The following PCDHGB4 variants were observed in gnomAD, a reference collection of about 807,000 sequenced individuals.
PCDHGB4 encodes protocadherin gamma-B4.
Under a neutral mutation model 60.5 loss-of-function variants are expected in PCDHGB4, and 38 were observed. The observed-to-expected ratio is 0.63, with a 90% CI of 0.48 to 0.82. PCDHGB4 has a LOEUF of 0.82. Among genes scored for constraint, PCDHGB4 ranks in the 40% least tolerant of loss-of-function variants. The pLI, the probability that PCDHGB4 is intolerant of heterozygous loss-of-function variation, is 0.00. For missense variants in PCDHGB4, 1,109 were observed against 1,209.6 expected, an observed-to-expected ratio of 0.92 and a Z score of 1.23; for synonymous variants, 456 against 509.7, an observed-to-expected ratio of 0.89 and a Z score of 1.42.
chr5:141,389,909 C>A lies in PCDHGB4; in HGVS notation c.2025C>A (p.Asp675Glu). The change falls in exon 1 of 4, where the codon GAC becomes GAA. Residue 675 changes from aspartate (D) to glutamate (E), a missense_variant. Coordinates refer to ENST00000519479, the MANE Select transcript of PCDHGB4 (RefSeq NM_003736.4). ...AGGAGGTGCTGCCGGATATCACTGA[C>A]CGCCCCGACCCCTCTGACCTCCAGG... Reference protein sequence around the residue: ...SLQEVLPDITDRPDPSDLQAE... With the variant: ...SLQEVLPDITERPDPSDLQAE... 6.2e-7 allele frequency: 1 copy of A among 1,614,068 alleles called. No individual in the cohort carries two copies. Among genetic ancestry groups the A allele is most frequent in the Non-Finnish European group, 8.5e-7 (1 of 1,179,906 alleles).
At chr5:141,426,665 T>A in intron 1 of PCDHGB4, 1 of 429,940 alleles carries the variant, frequency 2.3e-6, no homozygotes, top group South Asian at 1.6e-5. Context: ...ATATAAATGA[T>A]AACCCACCTC....
chr5:141,448,803 G>A (rs2098607666), intron 1 of PCDHGB4, among the ~76,000 whole-genome samples: 2 of 152,020 alleles, frequency 1.3e-5, no homozygotes, highest in South Asian at 4.1e-4. Flanking sequence ...AAATTAGCCA[G>A]GCGTGATGGC....
intron 1 of PCDHGB4, chr5:141,395,250 C>A: frequency 6.4e-7 from 1 of 1,558,318 alleles, no homozygotes. Context: ...GAGTTTAGTT[C>A]TTTGCTTGCT....
Position 141,397,017 on chromosome 5 carries a change from G to T in PCDHGB4, c.2397+6736G>T, listed in dbSNP as rs149652099. On this transcript the variant is annotated intron_variant, in intron 1 of 3. Transcript: ENST00000519479. ...TAATCTGACAAATGGACTAAAGAAG[G>T]TTGACCAATGTCCACAAATTTATGT... Among the ~76,000 whole-genome samples, 399 of 152,296 alleles carry T rather than the reference G, an allele frequency of 2.6e-3. 1 individual carries two copies. Among genetic ancestry groups the T allele is most frequent in the Non-Finnish European group, 4.1e-3 (279 of 68,028 alleles).
chr5:141,418,914 T>C (rs1200050684), intron 1 of PCDHGB4: 4 of 1,613,964 alleles, frequency 2.5e-6, no homozygotes, highest in East Asian at 2.2e-5. Context: ...ATCACGTCAC[T>C]CTCTGATCAG....
At chr5:141,448,850 C>A (rs1227646790) in intron 1 of PCDHGB4, among the ~76,000 whole-genome samples, 1 of 152,048 alleles carries the variant, frequency 6.6e-6, no homozygotes, top group Non-Finnish European at 1.5e-5. Context: ...GAGGCTGAGG[C>A]AGGAGAATGG....
intron 1 of PCDHGB4, among the ~76,000 whole-genome samples, chr5:141,481,259 C>T (rs1176419744): frequency 1.3e-5 from 2 of 152,146 alleles, no homozygotes; most frequent in African/African-American, 4.8e-5. Context: ...TCTAAAAGAT[C>T]ACTGTAGGAA....
intron 1 of PCDHGB4, chr5:141,414,991 G>T (rs1162432290): frequency 1.9e-6 from 3 of 1,613,766 alleles, no homozygotes; most frequent in Non-Finnish European, 1.7e-6. Flanking sequence ...CGGCCAGAAC[G>T]CCTGGCTGTC....
Position 141,486,814 on chromosome 5 carries a change from C to T in PCDHGB4, c.2398-7993C>T, listed in dbSNP as rs1048351154. On this transcript the variant is annotated intron_variant, in intron 1 of 3. Transcript: ENST00000519479. The surrounding 1 kb of genome is among the most constrained non-coding windows in gnomAD (Gnocchi z 5.0). ...ATCGGGGCAACCCACCCCTTAGCAG[C>T]ACTGTAACAGTTCGTCTATTTGTGC... 1.2e-6 allele frequency: 2 copies of T among 1,614,122 alleles called. No individual in the cohort carries two copies. Among genetic ancestry groups the T allele is most frequent in the Non-Finnish European group, 1.7e-6 (2 of 1,180,052 alleles).
intron 1 of PCDHGB4, among the ~76,000 whole-genome samples, chr5:141,449,868 T>C (rs902371897): frequency 1.3e-5 from 2 of 151,910 alleles, no homozygotes; most frequent in African/African-American, 4.8e-5. Flanking sequence ...AATCAGAAAA[T>C]TTAACATCAA....
In PCDHGB4 at chr5:141,490,000, A is replaced by G. The variant is rs762999106; in HGVS notation, c.2398-4807A>G. The G allele has an allele frequency of 6.2e-7, 1 of 1,614,198 alleles. No individual in the cohort carries two copies. Among genetic ancestry groups the G allele is most frequent in the Admixed American group, 1.7e-5 (1 of 60,032 alleles). ...AGTTCTACGTGTGGGAATCCCAGAG[A>G]ATGCACCCATTGGTACTCTGCTGCT... On this transcript the variant is annotated intron_variant, in intron 1 of 3. Coordinates refer to ENST00000519479, the MANE Select transcript of PCDHGB4 (RefSeq NM_003736.4). The surrounding 1 kb of genome is among the most constrained non-coding windows in gnomAD (Gnocchi z 4.5).
chr5:141,458,104 A>G (rs969775517), intron 1 of PCDHGB4, among the ~76,000 whole-genome samples: 6 of 152,232 alleles, frequency 3.9e-5, no homozygotes, highest in Non-Finnish European at 8.8e-5. Flanking sequence ...ACTTACAGAT[A>G]GTCTCCAAAT....
chr5:141,473,151 T>C (rs2099315238), intron 1 of PCDHGB4, among the ~76,000 whole-genome samples: 1 of 152,242 alleles, frequency 6.6e-6, no homozygotes. Context: ...TTCAGATCAC[T>C]AGGGCTAGGA....
chr5:141,474,608 T>C (rs1469173973), intron 1 of PCDHGB4, among the ~76,000 whole-genome samples: 1 of 152,268 alleles, frequency 6.6e-6, no homozygotes, highest in Non-Finnish European at 1.5e-5. Flanking sequence ...AGGTCACATA[T>C]GGCTTTTCAT....
chr5:141,481,434 A>C (rs1374254063), intron 1 of PCDHGB4, among the ~76,000 whole-genome samples: 1 of 152,256 alleles, frequency 6.6e-6, no homozygotes, highest in East Asian at 1.9e-4. Context: ...TGATTGTATC[A>C]GTTTAGTACA....
chr5:141,506,801 C>A (rs1322016728), intron 3 of PCDHGB4, among the ~76,000 whole-genome samples: 2 of 152,166 alleles, frequency 1.3e-5, no homozygotes, highest in Non-Finnish European at 2.9e-5. Flanking sequence ...GGCAGAGGAT[C>A]AAGGCATTGC....
chr5:141,404,485 T>C (rs780359921), intron 1 of PCDHGB4: 2 of 1,613,490 alleles, frequency 1.2e-6, no homozygotes, highest in Admixed American at 1.7e-5. Context: ...ACTCAGACAC[T>C]GGTGTGCTGT....
rs774456704 is a variant in PCDHGB4, at chr5:141,390,013, C to T, written c.2129C>T (p.Ala710Val). Residue 710 changes from alanine (A) to valine (V), a missense_variant, in exon 1 of 4, where the codon GCC (alanine) becomes GTC (valine). Coordinates refer to ENST00000519479, the MANE Select transcript of PCDHGB4 (RefSeq NM_003736.4). ...CTCGTGGCCATGATTCTGGCCATTG[C>T]CTTGCGCCTGCGACGCTCCTCCAGC... ...LFLVAMILAI[A>V]LRLRRSSSPA... 1.3e-4 allele frequency: 202 copies of T among 1,613,936 alleles called. No homozygotes were observed. The highest frequency in any genetic ancestry group is 1.6e-4 in the Non-Finnish European group (192 of 1,179,918).
chr5:141,417,230 T>C (rs2096097492), intron 1 of PCDHGB4: 1 of 152,210 alleles, frequency 6.6e-6, no homozygotes, highest in Non-Finnish European at 1.5e-5. Context: ...AAAAAATTTG[T>C]TGCTTATCTT....
Sources: gnomAD v4.1 joint callset for allele counts (sites outside exome capture counted in the v4.1 genomes callset) on GRCh38, gnomAD v4.1.1 for gene constraint, Gnocchi (gnomAD v3.1) non-coding constraint, MANE v1.5 for transcripts, NCBI Gene and HGNC (gene_info 2026-07-23, HGNC 2026-07-21) for gene names.